The following NECTIN1 variants were observed in gnomAD, a reference collection of about 807,000 sequenced individuals.
The protein encoded by NECTIN1 is nectin cell adhesion molecule 1, also known as nectin-1.
A neutral mutation model predicts 48.0 loss-of-function variants in NECTIN1; 23 were observed. The observed-to-expected ratio is 0.48, with a 90% CI of 0.34 to 0.68. The LOEUF is 0.68. NECTIN1 is among the 30% of genes least tolerant of loss of function. The probability of loss-of-function intolerance (pLI) is 0.01; values close to 1 mark genes in which losing one functional copy is unlikely to be tolerated. For synonymous variants in NECTIN1, 270 were observed against 288.9 expected (o/e 0.93, Z 0.66); for missense variants, 591 against 709.9 (o/e 0.83, Z 1.90).
intron 1 of NECTIN1, among the ~76,000 whole-genome samples, chr11:119,699,788 C>T (rs145147274): frequency 1.9e-4 from 29 of 152,270 alleles, no homozygotes; most frequent in South Asian, 1.2e-3. Context: ...GCCAAGGTCA[C>T]GGTTAGTGGC....
intron 1 of NECTIN1, among the ~76,000 whole-genome samples, chr11:119,720,258 C>T (rs749445795): frequency 2.5e-4 from 38 of 152,272 alleles, no homozygotes; most frequent in Non-Finnish European, 5.0e-4. Context: ...GTCCACAAGA[C>T]GCGGGGACTG....
rs532568397 is a variant in NECTIN1, at chr11:119,721,762, C to A, written c.79+6713G>T. 1.4e-4 allele frequency among the ~76,000 whole-genome samples: 21 copies of A among 152,378 alleles called. No individual in the cohort carries two copies. The East Asian group carries it at 4.1e-3, about 29-fold the overall frequency. ...GGGCTCCGTGCTCACACCTCAGGGG[C>A]CCTGCCCATGTCTCAGCCCAGATAC... On this transcript the variant is annotated intron_variant, in intron 1 of 5. Transcript: ENST00000264025.
intron 5 of NECTIN1, among the ~76,000 whole-genome samples, chr11:119,669,546 T>C (rs1420604610): frequency 6.6e-6 from 1 of 152,160 alleles, no homozygotes. Flanking sequence ...CCTGATTCCA[T>C]CCTTTCCCTC....
chr11:119,720,126 C>A (rs1565404552), intron 1 of NECTIN1, among the ~76,000 whole-genome samples: 1 of 152,324 alleles, frequency 6.6e-6, no homozygotes, highest in Middle Eastern at 3.4e-3. Flanking sequence ...CAGACTGGAG[C>A]AGCAGACTGA....
chr11:119,687,888 C>CG lies in NECTIN1; in HGVS notation c.80-9124dup, dbSNP rs552004300. On this transcript the variant is annotated intron_variant, in intron 1 of 5. Transcript: ENST00000264025. ...ATGGGCAGCTGCCTGCTCGGATGGC[C>CG]GGGGGGGTGAGTGGAAGGCAGTGGG... is the stretch of plus-strand genomic sequence containing the variant. Among the ~76,000 whole-genome samples, 240 of 152,024 alleles carry CG rather than the reference C, an allele frequency of 1.6e-3. 7 individuals are homozygous for CG. The South Asian group carries it at 0.04, about 25-fold the overall frequency.
At position 119,675,161 on chromosome 11, in the gene NECTIN1, G is replaced by A; in HGVS notation, c.1001C>T (p.Thr334Ile). ...CTGGGGAGGATGCAGCTTCCTACCTGTGATATTGACCTCCACCTGGCCTGA... is the reference window on the plus strand; with the variant it reads ...CTGGGGAGGATGCAGCTTCCTACCTATGATATTGACCTCCACCTGGCCTGA... ...TRSGQVEVNITEFPYTPSPPE... is the reference protein window; with the variant it reads ...TRSGQVEVNIIEFPYTPSPPE... The change falls in exon 5 of 6, where the codon ACA becomes ATA. Residue 334 changes from threonine to isoleucine, a missense_variant and splice_region_variant. By Grantham distance (89) the Thr-to-Ile change is moderately conservative (BLOSUM62 -1). Transcript: ENST00000264025. The A allele has an allele frequency of 6.2e-7, 1 of 1,614,168 alleles. No homozygotes were observed. The highest frequency in any genetic ancestry group is 8.5e-7 in the Non-Finnish European group (1 of 1,180,024).
intron 5 of NECTIN1, among the ~76,000 whole-genome samples, chr11:119,666,166 G>C (rs1355705760): frequency 6.6e-6 from 1 of 152,210 alleles, no homozygotes; most frequent in Non-Finnish European, 1.5e-5. Context: ...GTGTGTGCGT[G>C]CGTGGCAATG....
In NECTIN1 at chr11:119,672,613, C is replaced by G. The variant is rs145124594; in HGVS notation, c.1003+2546G>C. 7.0e-3 allele frequency among the ~76,000 whole-genome samples: 1,067 copies of G among 152,296 alleles called. 12 individuals carry two copies. Among genetic ancestry groups the G allele is most frequent in the African/African-American group, 0.023 (954 of 41,548 alleles). Reference sequence around the variant, plus strand: ...GGGTGTGCCGGTGCCATCCACACAGCCCCCTGAATGCTCAGTCTAACCCAC... The same window carrying G: ...GGGTGTGCCGGTGCCATCCACACAGGCCCCTGAATGCTCAGTCTAACCCAC... On this transcript the variant is annotated intron_variant, in intron 5 of 5. Coordinates refer to ENST00000264025, the MANE Select transcript of NECTIN1 (RefSeq NM_002855.5). The surrounding 1 kb of genome is among the most constrained non-coding windows in gnomAD (Gnocchi z 4.3).
chr11:119,656,427 A>T (rs1864575237), downstream of NECTIN1: 1 of 152,152 alleles, frequency 6.6e-6, no homozygotes, highest in Non-Finnish European at 1.5e-5. Flanking sequence ...AGAAAAAGAC[A>T]AGATCCCAGT....
At chr11:119,722,964 T>C (rs762544785) in intron 1 of NECTIN1, among the ~76,000 whole-genome samples, 3 of 152,160 alleles carry the variant, frequency 2.0e-5, no homozygotes, top group African/African-American at 4.8e-5. Flanking sequence ...ATTTTAAAGA[T>C]ACGAAAACTT....
At chr11:119,647,330 A>G (rs1008789081) in intron 5 of NECTIN1, among the ~76,000 whole-genome samples, 1 of 151,030 alleles carries the variant, frequency 6.6e-6, no homozygotes, top group Non-Finnish European at 1.5e-5. Context: ...CCCCTGCCCC[A>G]CCACTCCCTG....
chr11:119,696,796 C>T (rs1025634292), intron 1 of NECTIN1, among the ~76,000 whole-genome samples: 4 of 152,156 alleles, frequency 2.6e-5, no homozygotes, highest in Non-Finnish European at 2.9e-5. Flanking sequence ...AGGCAGGCCC[C>T]GGAAAGCAGG....
chr11:119,721,090 G>A (rs997888325), intron 1 of NECTIN1, among the ~76,000 whole-genome samples: 8 of 152,350 alleles, frequency 5.3e-5, no homozygotes, highest in African/African-American at 1.9e-4. Context: ...GTGCTAGGGC[G>A]TATATCTCAG....
At chr11:119,642,577 G>C (rs937577185) in intron 5 of NECTIN1, 1 of 153,670 alleles carries the variant, frequency 6.5e-6, no homozygotes, top group Non-Finnish European at 1.5e-5. Context: ...TGCCAAGAGA[G>C]GGTGGCAGCT....
intron 5 of NECTIN1, among the ~76,000 whole-genome samples, chr11:119,670,821 TAG>T (rs998159220): frequency 6.6e-6 from 1 of 151,860 alleles, no homozygotes; most frequent in African/African-American, 2.4e-5. Context: ...TAATATTTTG[TAG>T]AGACGGGGTT....
chr11:119,682,469 G>A (rs1287078035), intron 1 of NECTIN1, among the ~76,000 whole-genome samples: 5 of 152,182 alleles, frequency 3.3e-5, no homozygotes, highest in African/African-American at 9.7e-5. Flanking sequence ...CTGAAGGGCT[G>A]TTCCGTCACC....
At chr11:119,704,914 T>A (rs1378128103) in intron 1 of NECTIN1, among the ~76,000 whole-genome samples, 1 of 152,260 alleles carries the variant, frequency 6.6e-6, no homozygotes, top group Non-Finnish European at 1.5e-5. Flanking sequence ...GCCCTGCCAC[T>A]TACATGTGGT....
intron 1 of NECTIN1, among the ~76,000 whole-genome samples, chr11:119,705,589 T>C (rs558219884): frequency 7.2e-5 from 11 of 152,250 alleles, no homozygotes; most frequent in Admixed American, 2.6e-4. Context: ...CTGTGGCCGG[T>C]GTAGCTAGAC....
At chr11:119,694,052 T>C (rs972369414) in intron 1 of NECTIN1, among the ~76,000 whole-genome samples, 2 of 152,200 alleles carry the variant, frequency 1.3e-5, no homozygotes, top group African/African-American at 4.8e-5. Flanking sequence ...GAACTCAGGC[T>C]GAGACCAGTC....
Sources: allele counts gnomAD v4.1 joint callset (sites outside exome capture counted in the v4.1 genomes callset), GRCh38; gene constraint gnomAD v4.1.1; non-coding constraint Gnocchi (gnomAD v3.1); transcripts MANE v1.5; gene names NCBI Gene and HGNC (gene_info 2026-07-23, HGNC 2026-07-21).